Variants in ZNF704 observed in about 807,000 individuals in gnomAD.
ZNF704 encodes zinc finger protein 704.
In ZNF704, 10 loss-of-function variants were observed where a neutral mutation model predicts 44.7. The observed-to-expected ratio is 0.22, with a 90% CI of 0.14 to 0.38. ZNF704 has a LOEUF of 0.38. ZNF704 is among the 10% of genes least tolerant of loss of function. The pLI is 1.00. For missense variants in ZNF704, 390 were observed against 545.5 expected (o/e 0.71, Z 2.84); for synonymous variants, 211 against 207.6 (o/e 1.02, Z -0.14).
chr8:80,691,110 C>T (rs1818625996), intron 3 of ZNF704, among the ~76,000 whole-genome samples: 2 of 151,998 alleles, frequency 1.3e-5, no homozygotes, highest in Non-Finnish European at 2.9e-5. Flanking sequence ...TTCCTAGCAT[C>T]TTAATCATTC....
chr8:80,795,383 T>A (rs1438887452), intron 2 of ZNF704, among the ~76,000 whole-genome samples: 1 of 152,206 alleles, frequency 6.6e-6, no homozygotes, highest in Non-Finnish European at 1.5e-5. Context: ...ATACTTAGAC[T>A]GTCATCCAAA....
At chr8:80,832,452 T>C (rs1432902959) in intron 1 of ZNF704, among the ~76,000 whole-genome samples, 3 of 152,148 alleles carry the variant, frequency 2.0e-5, no homozygotes, top group Non-Finnish European at 4.4e-5. Flanking sequence ...TCAAGTACAC[T>C]CTGGGCCACC....
intron 2 of ZNF704, among the ~76,000 whole-genome samples, chr8:80,815,015 C>A (rs888848698): frequency 6.6e-6 from 1 of 152,172 alleles, no homozygotes; most frequent in African/African-American, 2.4e-5. Flanking sequence ...AGTTTCCCAT[C>A]GTATTTATAG....
chr8:80,792,419 AC>A (rs1199226497), intron 2 of ZNF704, among the ~76,000 whole-genome samples: 4 of 152,104 alleles, frequency 2.6e-5, no homozygotes, highest in Non-Finnish European at 5.9e-5. Flanking sequence ...GTGGGGGCAT[AC>A]TCTAACATGA....
intron 4 of ZNF704, among the ~76,000 whole-genome samples, chr8:80,685,610 G>A (rs1462921203): frequency 6.6e-6 from 1 of 152,244 alleles, no homozygotes; most frequent in Non-Finnish European, 1.5e-5. Context: ...GGGACCCACA[G>A]GGTGCCAGAA....
rs1809331723 is a variant in ZNF704 at position 80,874,569 on chromosome 8, A to C, written c.-22+2T>G. The C allele has an allele frequency of 6.7e-6, 1 of 148,936 alleles. No homozygotes were observed. The allele number at this position is 148,936 out of a possible 1,614,324, so 9.2% of individuals were successfully genotyped here. A position where few individuals can be genotyped will look rare whatever the true frequency, so the allele number is the denominator to read the frequency against. On this transcript the variant is annotated splice_donor_variant, in intron 1 of 8. Coordinates refer to ENST00000327835, the MANE Select transcript of ZNF704 (RefSeq NM_001033723.3). LOFTEE classifies it low-confidence loss of function (5UTR_SPLICE). The surrounding 1 kb of genome is among the most constrained non-coding windows in gnomAD (Gnocchi z 4.4). The stretch of plus-strand genomic sequence containing the variant: ...CCGGACTGGATTTTTTTTTTCTCTT[A>C]CCCACAGTCTCCGAAAGTCTGGCGC...
intron 2 of ZNF704, among the ~76,000 whole-genome samples, chr8:80,745,141 C>T (rs1202914182): frequency 2.2e-4 from 34 of 152,098 alleles, no homozygotes; most frequent in Admixed American, 2.2e-3. Context: ...TCCTTAGTTT[C>T]GCTGTAAATA....
chr8:80,874,135 G>A lies in ZNF704; in HGVS notation c.-22+436C>T, dbSNP rs1210940354. 2.0e-5 allele frequency among the ~76,000 whole-genome samples: 3 copies of A among 146,686 alleles called. No individual in the cohort carries two copies. The highest frequency in any genetic ancestry group is 2.0e-4 in the East Asian group (1 of 5,082). On this transcript the variant is annotated intron_variant, in intron 1 of 8. Transcript: ENST00000327835. The surrounding 1 kb of genome is among the most constrained non-coding windows in gnomAD (Gnocchi z 4.4). ...TGCCTCCGCCGGTGGCCGCAGGGCC[G>A]GGGACTCGCGGCCGCAAGGGGCTGC... is the stretch of plus-strand genomic sequence containing the variant.
intron 4 of ZNF704, among the ~76,000 whole-genome samples, chr8:80,674,200 A>G (rs977733725): frequency 3.3e-5 from 5 of 152,248 alleles, no homozygotes; most frequent in African/African-American, 7.2e-5. Context: ...ATCTAAACAC[A>G]TGAAATGTAA....
At chr8:80,691,801 T>C (rs73271093) in intron 3 of ZNF704, among the ~76,000 whole-genome samples, 16,591 of 152,220 alleles carry the variant, frequency 0.11, 3,057 homozygotes, top group African/African-American at 0.38. Flanking sequence ...CTTCAGCAAC[T>C]TCAGCTCTTG....
intron 2 of ZNF704, among the ~76,000 whole-genome samples, chr8:80,753,309 C>T (rs1279834325): frequency 1.3e-5 from 2 of 152,228 alleles, no homozygotes; most frequent in Non-Finnish European, 2.9e-5. Flanking sequence ...ACTCTTCCTT[C>T]CTGCTGGAGG....
intron 7 of ZNF704, among the ~76,000 whole-genome samples, chr8:80,655,995 T>G (rs1188868829): frequency 1.3e-5 from 2 of 152,180 alleles, no homozygotes; most frequent in African/African-American, 4.8e-5. Flanking sequence ...CAAATTCATA[T>G]GATAAAGCTC....
intron 4 of ZNF704, among the ~76,000 whole-genome samples, chr8:80,682,007 C>T (rs943047261): frequency 5.9e-5 from 9 of 152,202 alleles, no homozygotes; most frequent in African/African-American, 1.4e-4. Flanking sequence ...ACCATGAAAT[C>T]CATGCAGTTG....
At chr8:80,698,455 C>A (rs568902614) in intron 2 of ZNF704, among the ~76,000 whole-genome samples, 1 of 152,234 alleles carries the variant, frequency 6.6e-6, no homozygotes, top group South Asian at 2.1e-4. Context: ...TTGGGAGGGG[C>A]AGCCCAGGGA....
In ZNF704 at chr8:80,723,108, A is replaced by G. The variant is rs952862816; in HGVS notation, c.222-30001T>C. ...CAGTTCAAATAACTGAATGATACTA[A>G]TAACAAAACTACAAAGTTTTCTTCC... is the stretch of plus-strand genomic sequence containing the variant. On this transcript the variant is annotated intron_variant, in intron 2 of 8. Coordinates refer to ENST00000327835, the MANE Select transcript of ZNF704 (RefSeq NM_001033723.3). Among the ~76,000 whole-genome samples the G allele has an allele frequency of 5.9e-5, 9 of 152,248 alleles. No individual in the cohort carries two copies. In the South Asian group the frequency reaches 1.9e-3, roughly 32 times the overall value.
intron 1 of ZNF704, among the ~76,000 whole-genome samples, chr8:80,830,966 G>A (rs1808462039): frequency 6.6e-6 from 1 of 151,850 alleles, no homozygotes. Flanking sequence ...GTGTTGGCCA[G>A]GTTGGTCTTG....
intron 2 of ZNF704, among the ~76,000 whole-genome samples, chr8:80,815,328 C>T (rs1808158434): frequency 6.6e-6 from 1 of 152,150 alleles, no homozygotes; most frequent in South Asian, 2.1e-4. Context: ...AACTGGTTTG[C>T]TAATACATTT....
chr8:80,690,367 A>C (rs538117643), intron 3 of ZNF704, among the ~76,000 whole-genome samples: 16 of 152,286 alleles, frequency 1.1e-4, no homozygotes, highest in Admixed American at 8.5e-4. Context: ...TTTTCCTCGA[A>C]GGATTCCATG....
At chr8:80,812,857 A>T (rs1808112271) in intron 2 of ZNF704, among the ~76,000 whole-genome samples, 1 of 152,254 alleles carries the variant, frequency 6.6e-6, no homozygotes, top group Non-Finnish European at 1.5e-5. Context: ...TATCTTGGTT[A>T]TTACTTGCCT....
Sources: gnomAD v4.1 joint callset for allele counts (sites outside exome capture counted in the v4.1 genomes callset) on GRCh38, gnomAD v4.1.1 for gene constraint, Gnocchi (gnomAD v3.1) non-coding constraint, MANE v1.5 for transcripts, NCBI Gene and HGNC (gene_info 2026-07-23, HGNC 2026-07-21) for gene names.